ASAH1: variants seen among roughly 807,000 people sequenced by gnomAD.
ASAH1 encodes acid ceramidase.
A neutral mutation model predicts 59.5 loss-of-function variants in ASAH1; 70 were observed. The observed-to-expected ratio is 1.18, with a 90% CI of 0.97 to 1.43. The LOEUF is 1.43. Among genes scored for constraint, ASAH1 ranks in the 40% most tolerant of loss-of-function variants. The pLI is 0.00. For missense variants in ASAH1, 660 were observed against 482.5 expected (o/e 1.37, Z -3.45); for synonymous variants, 213 against 166.5 (o/e 1.28, Z -2.15).
chr8:18,071,917 G>C (rs2117064747), intron 2 of ASAH1, among the ~76,000 whole-genome samples: 1 of 152,278 alleles, frequency 6.6e-6, no homozygotes, highest in Non-Finnish European at 1.5e-5. Flanking sequence ...TCATGATTCT[G>C]TCAGCCATCC....
intron 1 of ASAH1, among the ~76,000 whole-genome samples, chr8:18,079,757 A>C (rs887538674): frequency 7.9e-5 from 12 of 152,370 alleles, no homozygotes; most frequent in African/African-American, 9.6e-5. Context: ...TCTTGAATTC[A>C]TCAACAACTA....
chr8:18,069,982 T>G lies in ASAH1; in HGVS notation c.217-104A>C, dbSNP rs1800094268. On this transcript the variant is annotated intron_variant, in intron 3 of 13. Transcript: ENST00000637790. ...CTAAAAGAGAGTGCTATTTGACAAT[T>G]TATATATATATTTTTTAAAACAGCA... 3 of 728,344 alleles carry G rather than the reference T, an allele frequency of 4.1e-6. No individual in the cohort carries two copies. In the Admixed American group the frequency reaches 7.9e-5, roughly 19 times the overall value. 45.1% of individuals were successfully genotyped at this position (728,344 alleles called of 1,614,324 possible).
intron 1 of ASAH1, among the ~76,000 whole-genome samples, chr8:18,078,417 ACC>A (rs1164055796): frequency 6.6e-6 from 1 of 152,214 alleles, no homozygotes; most frequent in Non-Finnish European, 1.5e-5. Flanking sequence ...TTGGCATAGA[ACC>A]TGGCTGCAAG....
intron 8 of ASAH1, 106 bp downstream of exon 8, chr8:18,062,173 G>T: frequency 1.4e-6 from 2 of 1,462,312 alleles, no homozygotes; most frequent in Non-Finnish European, 9.5e-7. Flanking sequence ...GGTGAAATGG[G>T]GCTTCATATT....
Position 18,059,322 on chromosome 8 carries a change from G to T in ASAH1, c.1041+19C>A, listed in dbSNP as rs17126194. On this transcript the variant is annotated intron_variant, in intron 12 of 13. Transcript: ENST00000637790. ...TTAATGGCAACAGTTTCTTTCTATAGATGACCCTGCAAAGGTACCTCTTGG... is the reference window on the plus strand; with the variant it reads ...TTAATGGCAACAGTTTCTTTCTATATATGACCCTGCAAAGGTACCTCTTGG... 5.4e-4 allele frequency: 864 copies of T among 1,614,138 alleles called. 4 individuals are homozygous for T. In the East Asian group the frequency reaches 0.014, roughly 27 times the overall value.
chr8:18,067,122 G>GACATACAGCACCTGTGCTGTATATCTAAA, intron 5 of ASAH1, 98 bp downstream of exon 5: 3 of 540,514 alleles, frequency 5.6e-6, no homozygotes, highest in Non-Finnish European at 7.6e-6. Flanking sequence ...GTATATCTAA[G>GACATACAGCACCTGTGCTGTATATCTAAA]ACATACAGCA....
At chr8:18,081,206 C>T (rs576621902) in intron 1 of ASAH1, among the ~76,000 whole-genome samples, 5 of 152,308 alleles carry the variant, frequency 3.3e-5, no homozygotes, top group South Asian at 2.1e-4. Flanking sequence ...GTGCAGGTCA[C>T]GCTGACACCT....
rs543529721 is a variant in ASAH1, at chr8:18,056,721, T to A, written c.*813A>T. On this transcript the variant is annotated 3_prime_UTR_variant, in exon 14 of 14. Coordinates refer to ENST00000637790, the MANE Select transcript of ASAH1 (RefSeq NM_177924.5). ...CTGTTTATTACATGAATGCTACTTA[T>A]GAGAATTTAAAATATGGGTTCACTT... The A allele has an allele frequency of 6.6e-5, 10 of 152,290 alleles. No homozygotes were observed. Among genetic ancestry groups the A allele is most frequent in the African/African-American group, 2.4e-4 (10 of 41,572 alleles). The allele number at this position is 152,290 out of a possible 1,614,324, so 9.4% of individuals were successfully genotyped here.
chr8:18,082,129 T>C (rs550382285), intron 1 of ASAH1, among the ~76,000 whole-genome samples: 5 of 152,346 alleles, frequency 3.3e-5, no homozygotes, highest in South Asian at 2.1e-4. Flanking sequence ...TCCAGTTTCA[T>C]TGAAAACCTG....
chr8:18,068,190 A>T (rs562583002), intron 4 of ASAH1: 1 of 152,164 alleles, frequency 6.6e-6, no homozygotes, highest in Non-Finnish European at 1.5e-5. Context: ...ATTCTCCCTG[A>T]TGAGAAAACT....
chr8:18,067,322 A>G (rs777207967), intron 4 of ASAH1, 24 bp from the exon 5 acceptor site: 46 of 1,478,194 alleles, frequency 3.1e-5, no homozygotes, highest in Middle Eastern at 1.8e-4. Context: ...ATATTAATAA[A>G]AGCATTTAAC....
At chr8:18,065,426 T>C (rs1014632275) in intron 5 of ASAH1, 4 of 152,142 alleles carry the variant, frequency 2.6e-5, no homozygotes, top group Admixed American at 6.5e-5. Flanking sequence ...TGATAAATAC[T>C]ACTGATTTTC....
chr8:18,059,294 T>C (rs375368649), intron 12 of ASAH1, 47 bp downstream of exon 12: 2 of 1,613,620 alleles, frequency 1.2e-6, no homozygotes, highest in African/African-American at 2.7e-5. Flanking sequence ...ACCAAGGGAA[T>C]CTTTAATGGC....
In ASAH1 at chr8:18,057,498, G is replaced by C. The variant is rs775010336; in HGVS notation, c.*36C>G. The C allele has an allele frequency of 6.6e-7, 1 of 1,507,766 alleles. No individual in the cohort carries two copies. The highest frequency in any genetic ancestry group is 9.2e-7 in the Non-Finnish European group (1 of 1,092,334). The allele number at this position is 1,507,766 out of a possible 1,614,324, so 93.4% of individuals were successfully genotyped here. A position where few individuals can be genotyped will look rare whatever the true frequency, so the allele number is the denominator to read the frequency against. On this transcript the variant is annotated 3_prime_UTR_variant, in exon 14 of 14. Coordinates refer to ENST00000637790, the MANE Select transcript of ASAH1 (RefSeq NM_177924.5). ...GGTCACATGGAGATGGTGTCTTCAT[G>C]TCTCAGAGGCCGCATTCTGTAGGCC...
intron 5 of ASAH1, 60 bp from the exon 6 acceptor site, chr8:18,064,591 G>T (rs1799852493): frequency 9.9e-7 from 1 of 1,012,422 alleles, no homozygotes; most frequent in Non-Finnish European, 1.5e-6. Flanking sequence ...AGAAAAATTT[G>T]TTTTAAGAAA....
chr8:18,078,425 G>A (rs1200926866), intron 1 of ASAH1, among the ~76,000 whole-genome samples: 1 of 152,194 alleles, frequency 6.6e-6, no homozygotes, highest in East Asian at 1.9e-4. Context: ...GAACCTGGCT[G>A]CAAGGAAATA....
At chr8:18,065,314 A>G (rs1043369141) in intron 5 of ASAH1, 9 of 152,138 alleles carry the variant, frequency 5.9e-5, no homozygotes, top group African/African-American at 2.2e-4. Flanking sequence ...TAATAAAGGA[A>G]TTAGACTTGC....
chr8:18,082,158 G>A (rs1157174340), intron 1 of ASAH1, among the ~76,000 whole-genome samples: 1 of 152,162 alleles, frequency 6.6e-6, no homozygotes, highest in African/African-American at 2.4e-5. Flanking sequence ...GCTTCCCAAA[G>A]TGACACCAGT....
intron 10 of ASAH1, chr8:18,061,132 T>A (rs1799679403): frequency 2.7e-6 from 1 of 367,938 alleles, no homozygotes; most frequent in African/African-American, 2.1e-5. Flanking sequence ...ACACCAAAAA[T>A]ATTCATAGGT....
Sources: allele counts gnomAD v4.1 joint callset (sites outside exome capture counted in the v4.1 genomes callset), GRCh38; gene constraint gnomAD v4.1.1; transcripts MANE v1.5; gene names NCBI Gene and HGNC (gene_info 2026-07-23, HGNC 2026-07-21).